The following ZFHX2 variants were observed in gnomAD, a reference collection of about 807,000 sequenced individuals.
ZFHX2 encodes the protein zinc finger homeobox 2.
Under a neutral mutation model 164.8 loss-of-function variants are expected in ZFHX2, and 75 were observed. The observed-to-expected ratio is 0.46, with a 90% CI of 0.38 to 0.55. The LOEUF is 0.55. Ranked by LOEUF, ZFHX2 falls within the 20% of genes least tolerant of loss-of-function variation. The probability of loss-of-function intolerance (pLI) is 0.00; values close to 1 mark genes in which losing one functional copy is unlikely to be tolerated. For synonymous variants in ZFHX2, 1,217 were observed against 1,351.4 expected, an observed-to-expected ratio of 0.90 and a Z score of 2.18; for missense variants, 2,933 against 3,308.0, an observed-to-expected ratio of 0.89 and a Z score of 2.78.
Position 23,546,233 on chromosome 14 carries a change from C to A in ZFHX2, c.-50+5110G>T, listed in dbSNP as rs1881369926. 6.6e-6 allele frequency among the ~76,000 whole-genome samples: 1 copy of A among 152,130 alleles called. No individual in the cohort carries two copies. Among genetic ancestry groups the A allele is most frequent in the South Asian group, 2.1e-4 (1 of 4,818 alleles). ...CTGATTGCACAGGCCCCTGTGCATG[C>A]GACATTCCAGTTGATGGTCCTGCTG... On this transcript the variant is annotated intron_variant, in intron 1 of 9. Transcript: ENST00000419474. The surrounding 1 kb of genome is among the most constrained non-coding windows in gnomAD (Gnocchi z 4.7).
In ZFHX2 at chr14:23,524,533, T is replaced by A; in HGVS notation, c.5409A>T (p.Gln1803His). Residue 1803 changes from glutamine (Q) to histidine (H), a missense_variant, in exon 9 of 10, where the codon CAA (glutamine) becomes CAT (histidine). Physicochemically the swap from Gln to His is conservative, Grantham distance 24. Coordinates refer to ENST00000419474, the MANE Select transcript of ZFHX2 (RefSeq NM_033400.3). The surrounding 1 kb of genome is among the most constrained non-coding windows in gnomAD (Gnocchi z 5.6). ...ACACCAGCAAGGGCAGATCTAGGAG[T>A]TGGGGGGGAGCACTGGGCTGCAGAG... ...LPSLQPSAPP[Q>H]LLDLPLLVFG... is the part of the protein sequence containing the mutation. The A allele has an allele frequency of 6.6e-7, 1 of 1,526,154 alleles. No homozygotes were observed. The highest frequency in any genetic ancestry group is 1.7e-4 in the Middle Eastern group (1 of 5,904). The allele number at this position is 1,526,154 out of a possible 1,614,324, so 94.5% of individuals were successfully genotyped here. A position where few individuals can be genotyped will look rare whatever the true frequency, so the allele number is the denominator to read the frequency against.
At chr14:23,527,332 G>T (rs1175186997) in intron 7 of ZFHX2, among the ~76,000 whole-genome samples, 3 of 152,184 alleles carry the variant, frequency 2.0e-5, no homozygotes, top group Non-Finnish European at 4.4e-5. Flanking sequence ...TCAGTTCTGA[G>T]TCTCCCTCTC....
In ZFHX2 at chr14:23,533,518, C is replaced by T; in HGVS notation, c.1808G>A (p.Gly603Glu). 2.0e-6 allele frequency: 3 copies of T among 1,536,102 alleles called. No individual in the cohort carries two copies. The highest frequency in any genetic ancestry group is 4.9e-5 in the East Asian group (2 of 40,916). Residue 603 changes from glycine to glutamate, a missense_variant, in exon 2 of 10, where the codon GGG (glycine) becomes GAG (glutamate). Physicochemically the swap from Gly to Glu is moderately conservative, Grantham distance 98 (BLOSUM62 -2). Coordinates refer to ENST00000419474, the MANE Select transcript of ZFHX2 (RefSeq NM_033400.3). This position sits in a 1 kb window ranked among gnomAD's most constrained non-coding sequence, Gnocchi z 4.8. ...TCCAGGTGGCAGGCCCAGCGGCAGC[C>T]CCTGGTGCAGCATTAGGACATTCTG... ...HMQNVLMLHQ[G>E]LPLGLPPGLM...
At position 23,530,143 on chromosome 14, in the gene ZFHX2, G is replaced by A; in HGVS notation, c.2852C>T (p.Ala951Val). The change falls in exon 5 of 10, where the codon GCC becomes GTC. Residue 951 changes from alanine to valine, a missense_variant. Physicochemically the swap from Ala to Val is moderately conservative, Grantham distance 64 (BLOSUM62 0). Transcript: ENST00000419474. ...LAEPPTPEKDAQNKTEQLASE... is the reference protein window; with the variant it reads ...LAEPPTPEKDVQNKTEQLASE... ...ACCCAATTGTTCTGTCTTGTTCTGG[G>A]CATCTTTCTCAGGGGTGGGTGGCTC... 2 of 1,536,102 alleles carry A rather than the reference G, an allele frequency of 1.3e-6. No individual in the cohort carries two copies. Among genetic ancestry groups the A allele is most frequent in the Admixed American group, 2.0e-5 (1 of 50,980 alleles).
intron 8 of ZFHX2, 70 bp from the exon 9 acceptor site, chr14:23,526,749 C>G (rs1365814119): frequency 7.8e-6 from 12 of 1,532,874 alleles, no homozygotes; most frequent in Non-Finnish European, 9.6e-6. Flanking sequence ...CACTCAATAC[C>G]AAGGCAGTTG....
intron 6 of ZFHX2, chr14:23,529,269 AGT>A: frequency 3.0e-5 from 5 of 167,838 alleles, no homozygotes; most frequent in Admixed American, 1.2e-4. Context: ...CCCTACCCTT[AGT>A]AAGAGGATGC....
rs973778136 is a variant in ZFHX2, at chr14:23,533,987, G to C, written c.1339C>G (p.Arg447Gly). ...LSSHMSLLHS[R>G]NSCKTLKCPK... ...CACTTGAGTGTCTTGCAGGAGTTGC[G>C]TGAGTGGAGCAGGGACATGTGGCTG... is the stretch of plus-strand genomic sequence containing the variant. The change falls in exon 2 of 10, where the codon CGC becomes GGC. Residue 447 changes from arginine (R) to glycine (G), a missense_variant. Transcript: ENST00000419474. This position sits in a 1 kb window ranked among gnomAD's most constrained non-coding sequence, Gnocchi z 4.8. 2.0e-6 allele frequency: 3 copies of C among 1,537,542 alleles called. No individual in the cohort carries two copies. The African/African-American group carries it at 4.1e-5, about 21-fold the overall frequency.
chr14:23,533,902 T>C lies in ZFHX2; in HGVS notation c.1424A>G (p.Lys475Arg), dbSNP rs1595163959. 1 of 1,538,028 alleles carries C rather than the reference T, an allele frequency of 6.5e-7. No individual in the cohort carries two copies. Among genetic ancestry groups the C allele is most frequent in the Non-Finnish European group, 8.7e-7 (1 of 1,147,168 alleles). Residue 475 changes from lysine to arginine, a missense_variant, in exon 2 of 10, where the codon AAG becomes AGG. By Grantham distance (26) the Lys-to-Arg change is conservative. Coordinates refer to ENST00000419474, the MANE Select transcript of ZFHX2 (RefSeq NM_033400.3). This position sits in a 1 kb window ranked among gnomAD's most constrained non-coding sequence, Gnocchi z 4.8. The part of the protein sequence containing the change: ...QQTLDVHMRE[K>R]HPESNSHCSY... ...GCAGTGACTGTTGCTCTCAGGGTGCTTCTCTCGCATGTGCACATCCAGGGT... is the reference window on the plus strand; with the variant it reads ...GCAGTGACTGTTGCTCTCAGGGTGCCTCTCTCGCATGTGCACATCCAGGGT...
At position 23,546,682 on chromosome 14, in the gene ZFHX2, GGGT is replaced by G. The variant is rs1455872451; in HGVS notation, c.-50+4658_-50+4660del. On this transcript the variant is annotated intron_variant, in intron 1 of 9. Transcript: ENST00000419474. This position sits in a 1 kb window ranked among gnomAD's most constrained non-coding sequence, Gnocchi z 4.7. The stretch of plus-strand genomic sequence containing the variant: ...GAGAGGCAAGGGGCTCTGGGAAAGT[GGGT>G]GGTGGGCTGACCGAGCTTAGTGTGA... 6.6e-6 allele frequency among the ~76,000 whole-genome samples: 1 copy of G among 152,188 alleles called. No homozygotes were observed. Among genetic ancestry groups the G allele is most frequent in the Non-Finnish European group, 1.5e-5 (1 of 68,030 alleles).
In ZFHX2 at chr14:23,551,658, T is replaced by TCCTCCTCCTCCTCCTTCTCCTCCTCGC; in HGVS notation, c.-392_-366dup. ...GGGCACTCGCTCGCTCCCTGCCTCC[T>TCCTCCTCCTCCTCCTTCTCCTCCTCGC]CCTCCTCCTCCTCCTTCTCCTCCTC... On this transcript the variant is annotated 5_prime_UTR_variant, in exon 1 of 10. Transcript: ENST00000419474. This position sits in a 1 kb window ranked among gnomAD's most constrained non-coding sequence, Gnocchi z 5.3. 1 of 154,844 alleles carries TCCTCCTCCTCCTCCTTCTCCTCCTCGC rather than the reference T, an allele frequency of 6.5e-6. No individual in the cohort carries two copies. The highest frequency in any genetic ancestry group is 2.4e-5 in the African/African-American group (1 of 41,274). 9.6% of individuals were successfully genotyped at this position (154,844 alleles called of 1,614,324 possible).
At chr14:23,526,816 A>G in intron 8 of ZFHX2, 31 bp downstream of exon 8, 1 of 1,523,182 alleles carries the variant, frequency 6.6e-7, no homozygotes, top group Non-Finnish European at 8.8e-7. Context: ...CTTTCCTGGT[A>G]CCTTGGGAGG....
At chr14:23,542,742 ATTC>A (rs1354219818) in intron 1 of ZFHX2, among the ~76,000 whole-genome samples, 2 of 150,952 alleles carry the variant, frequency 1.3e-5, no homozygotes, top group African/African-American at 2.4e-5. Flanking sequence ...GTAGGAAAAC[ATTC>A]TTTTTTTTTT....
chr14:23,529,724 C>T lies in ZFHX2; in HGVS notation c.2920G>A (p.Ala974Thr). Reference protein sequence around the residue: ...ENKTGPSRDSANQTTVYCCPY... With the variant: ...ENKTGPSRDSTNQTTVYCCPY... ...CCAATTCTGACCGTGGTCTGGTTGG[C>T]ACTGTCTCTGGAAGGGCCAGTCTTG... Residue 974 changes from alanine to threonine, a missense_variant, in exon 6 of 10, where the codon GCC becomes ACC. Physicochemically the swap from Ala to Thr is moderately conservative, Grantham distance 58. Transcript: ENST00000419474. The T allele has an allele frequency of 1.3e-6, 2 of 1,536,226 alleles. No individual in the cohort carries two copies. The highest frequency in any genetic ancestry group is 1.7e-6 in the Non-Finnish European group (2 of 1,146,922).
At position 23,525,517 on chromosome 14, in the gene ZFHX2, C is replaced by T; in HGVS notation, c.4425G>A (p.Gly1475=). 6.5e-7 allele frequency: 1 copy of T among 1,535,728 alleles called. No homozygotes were observed. Among genetic ancestry groups the T allele is most frequent in the South Asian group, 1.2e-5 (1 of 84,034 alleles). Reference sequence around the variant, plus strand: ...CCCCACAGGCCAGCTTGTCCCCACCCCCGAGGGCCTCAGGTGGGGGTGGGG... The same window carrying T: ...CCCCACAGGCCAGCTTGTCCCCACCTCCGAGGGCCTCAGGTGGGGGTGGGG... ...PPTPPPPEAL[G]GGDKLACGAC... The change falls in exon 9 of 10, where the codon GGG becomes GGA. Residue 1475 remains glycine, a synonymous_variant. Transcript: ENST00000419474. This position sits in a 1 kb window ranked among gnomAD's most constrained non-coding sequence, Gnocchi z 5.9.
rs1338434944 is a variant in ZFHX2 at position 23,525,259 on chromosome 14, C to A, written c.4683G>T (p.Gly1561=). 5.9e-6 allele frequency: 9 copies of A among 1,535,912 alleles called. No homozygotes were observed. The South Asian group carries it at 8.3e-5, about 14-fold the overall frequency. The change falls in exon 9 of 10, where the codon GGG becomes GGT. Residue 1561 remains glycine (G), a synonymous_variant. Coordinates refer to ENST00000419474, the MANE Select transcript of ZFHX2 (RefSeq NM_033400.3). This position sits in a 1 kb window ranked among gnomAD's most constrained non-coding sequence, Gnocchi z 5.9. ...GACTTCGCTCTTCAGGGGCACGGGT[C>A]CCCCCTGCCTCAGGCTCTGGGACCA... ...PFLVPEPEAG[G]TRAPEERSRA... is the part of the protein sequence containing the mutation.
intron 1 of ZFHX2, among the ~76,000 whole-genome samples, chr14:23,547,571 A>T (rs1245959028): frequency 3.9e-5 from 6 of 152,156 alleles, no homozygotes; most frequent in African/African-American, 1.4e-4. Context: ...AAGACTCTGC[A>T]CATGAGCCCT....
rs1187696275 is a variant in ZFHX2 at position 23,522,008 on chromosome 14, T to C, written c.7673A>G (p.Asp2558Gly). Residue 2558 changes from aspartate (D) to glycine (G), a missense_variant, in exon 10 of 10, where the codon GAC (aspartate) becomes GGC (glycine). Physicochemically the swap from Asp to Gly is moderately conservative, Grantham distance 94. Coordinates refer to ENST00000419474, the MANE Select transcript of ZFHX2 (RefSeq NM_033400.3). ...AKEEARLPHT[D>G]SNPKTTTTST... ...GGTAGTCGTAGTTTTTGGGTTGGAGTCCGTGTGAGGTAATCTTGCTTCCTC... is the reference window on the plus strand; with the variant it reads ...GGTAGTCGTAGTTTTTGGGTTGGAGCCCGTGTGAGGTAATCTTGCTTCCTC... 6.5e-7 allele frequency: 1 copy of C among 1,536,242 alleles called. No individual in the cohort carries two copies. The highest frequency in any genetic ancestry group is 1.4e-5 in the African/African-American group (1 of 73,118).
intron 1 of ZFHX2, among the ~76,000 whole-genome samples, chr14:23,536,491 A>G (rs1331859986): frequency 6.6e-6 from 1 of 152,214 alleles, no homozygotes; most frequent in African/African-American, 2.4e-5. Flanking sequence ...TTGAAAGATA[A>G]CAGCTAGTCG....
Position 23,523,242 on chromosome 14 carries a change from C to A in ZFHX2, c.6700G>T (p.Ala2234Ser). 7.0e-7 allele frequency: 1 copy of A among 1,433,736 alleles called. No homozygotes were observed. Among genetic ancestry groups the A allele is most frequent in the Non-Finnish European group, 9.1e-7 (1 of 1,098,068 alleles). The allele number at this position is 1,433,736 out of a possible 1,614,324, so 88.8% of individuals were successfully genotyped here. A position where few individuals can be genotyped will look rare whatever the true frequency, so the allele number is the denominator to read the frequency against. The change falls in exon 9 of 10, where the codon GCT becomes TCT. Residue 2234 changes from alanine to serine, a missense_variant. Physicochemically the swap from Ala to Ser is moderately conservative, Grantham distance 99. Transcript: ENST00000419474. This position sits in a 1 kb window ranked among gnomAD's most constrained non-coding sequence, Gnocchi z 4.1. ...APVLLSGPAL[A>S]QPPLGNLAPF... The stretch of plus-strand genomic sequence containing the variant: ...GCTAAGTTGCCCAGCGGGGGCTGAG[C>A]CAGAGCTGGGCCAGATAAGAGGACC...
Sources: allele counts gnomAD v4.1 joint callset (sites outside exome capture counted in the v4.1 genomes callset), GRCh38; gene constraint gnomAD v4.1.1; non-coding constraint Gnocchi (gnomAD v3.1); transcripts MANE v1.5; gene names NCBI Gene and HGNC (gene_info 2026-07-23, HGNC 2026-07-21).